ZNF516: variants seen among roughly 807,000 people sequenced by gnomAD.
The protein encoded by ZNF516 is zinc finger protein 516.
ZNF516 carries 19 observed loss-of-function variants against 79.7 expected under a neutral mutation model. That is an observed-to-expected ratio of 0.24 (90% CI 0.17 to 0.35). ZNF516 has a LOEUF of 0.35. Ranked by LOEUF, ZNF516 falls within the 10% of genes least tolerant of loss-of-function variation. ZNF516 has a pLI of 1.00. For synonymous variants in ZNF516, 877 were observed against 739.5 expected (o/e 1.19, Z -3.02); for missense variants, 1,678 against 1,679.5 (o/e 1.00, Z 0.02).
chr18:76,441,944 C>G lies in ZNF516; in HGVS notation c.1111G>C (p.Glu371Gln). The G allele has an allele frequency of 6.2e-7, 1 of 1,611,228 alleles. No homozygotes were observed. The highest frequency in any genetic ancestry group is 1.1e-5 in the South Asian group (1 of 90,926). Residue 371 changes from glutamate (E) to glutamine (Q), a missense_variant, in exon 3 of 7, where the codon GAG becomes CAG. By Grantham distance (29) the Glu-to-Gln change is conservative (BLOSUM62 2). Coordinates refer to ENST00000443185, the MANE Select transcript of ZNF516 (RefSeq NM_014643.4). ...EASRTRAPAE[E>Q]GAEGPSDTKQ... is the part of the protein sequence containing the mutation. ...GTGTCCGAGGGCCCCTCCGCCCCCT[C>G]CTCGGCCGGGGCGCGCGTGCGGCTG... is the stretch of plus-strand genomic sequence containing the variant.
intron 4 of ZNF516, among the ~76,000 whole-genome samples, chr18:76,373,848 T>C (rs2074746182): frequency 6.6e-6 from 1 of 152,272 alleles, no homozygotes; most frequent in Non-Finnish European, 1.5e-5. Context: ...AATAATATTA[T>C]GCCCAAGCTA....
intron 2 of ZNF516, among the ~76,000 whole-genome samples, chr18:76,446,899 A>G (rs1444385582): frequency 1.3e-5 from 2 of 152,190 alleles, no homozygotes; most frequent in African/African-American, 4.8e-5. Context: ...TAGAAATAGA[A>G]AAAGTGCTGA....
intron 3 of ZNF516, among the ~76,000 whole-genome samples, chr18:76,381,734 A>C (rs1322413601): frequency 6.6e-6 from 1 of 152,230 alleles, no homozygotes; most frequent in Non-Finnish European, 1.5e-5. Flanking sequence ...TTGTCCATGT[A>C]AAAAACGCCA....
intron 1 of ZNF516, chr18:76,492,642 C>A: frequency 1.1e-6 from 1 of 890,386 alleles, no homozygotes. Context: ...TCACCTGAAC[C>A]AAAAACGCAC....
At chr18:76,438,908 G>A (rs566686432) in intron 3 of ZNF516, among the ~76,000 whole-genome samples, 24 of 152,226 alleles carry the variant, frequency 1.6e-4, no homozygotes, top group Middle Eastern at 6.8e-3. Context: ...GTGATCTTTC[G>A]TTCCTCAATT....
chr18:76,364,415 C>T lies in ZNF516; in HGVS notation c.3433-1858G>A, dbSNP rs150539471. Among the ~76,000 whole-genome samples the T allele has an allele frequency of 5.6e-4, 85 of 152,300 alleles. No homozygotes were observed. The East Asian group carries it at 0.015, about 27-fold the overall frequency. The stretch of plus-strand genomic sequence containing the variant: ...TGGACACACTATAATCTTTTGAGCA[C>T]GCCCACCATCGCCTTGTCTTCCTGG... On this transcript the variant is annotated intron_variant, in intron 6 of 6. Transcript: ENST00000443185.
chr18:76,421,868 G>A (rs906664118), intron 3 of ZNF516, among the ~76,000 whole-genome samples: 5 of 152,194 alleles, frequency 3.3e-5, no homozygotes, highest in South Asian at 4.1e-4. Flanking sequence ...ATCACACAGC[G>A]GGCCGGGTCT....
At chr18:76,457,721 T>A (rs1912815078) in intron 2 of ZNF516, among the ~76,000 whole-genome samples, 1 of 151,920 alleles carries the variant, frequency 6.6e-6, no homozygotes, top group Admixed American at 6.6e-5. Flanking sequence ...TGTCTCAAAA[T>A]AAAAATAAAA....
At chr18:76,366,027 C>T (rs1599127316) in intron 6 of ZNF516, among the ~76,000 whole-genome samples, 3 of 152,288 alleles carry the variant, frequency 2.0e-5, no homozygotes, top group East Asian at 3.9e-4. Context: ...CTACAGTCTT[C>T]AAGTATGTGT....
intron 3 of ZNF516, among the ~76,000 whole-genome samples, chr18:76,433,215 C>T (rs867438953): frequency 9.9e-5 from 15 of 152,234 alleles, no homozygotes; most frequent in African/African-American, 3.1e-4. Flanking sequence ...AAAAGCACCA[C>T]TGACCGCTGA....
intron 2 of ZNF516, among the ~76,000 whole-genome samples, chr18:76,445,267 A>AC (rs908936896): frequency 6.6e-6 from 1 of 151,768 alleles, no homozygotes; most frequent in Admixed American, 6.6e-5. Context: ...CAAAAAAAAA[A>AC]AAACAACAAC....
chr18:76,486,893 G>C, intron 1 of ZNF516, among the ~76,000 whole-genome samples: 1 of 152,036 alleles, frequency 6.6e-6, no homozygotes, highest in Admixed American at 6.5e-5. Context: ...TACAGAAACA[G>C]GAATACGAAG....
intron 6 of ZNF516, 144 bp downstream of exon 6, chr18:76,370,384 G>C: frequency 2.5e-6 from 2 of 813,896 alleles, no homozygotes; most frequent in Non-Finnish European, 3.7e-6. Flanking sequence ...CGAAGGGTCA[G>C]GTTCCAAGTC....
At chr18:76,485,735 C>T (rs942781152) in intron 1 of ZNF516, among the ~76,000 whole-genome samples, 3 of 152,102 alleles carry the variant, frequency 2.0e-5, no homozygotes, top group African/African-American at 7.2e-5. Flanking sequence ...AAACCCAAAC[C>T]AGCATGTGTA....
intron 1 of ZNF516, among the ~76,000 whole-genome samples, chr18:76,485,836 G>A (rs1185547150): frequency 1.4e-5 from 2 of 148,044 alleles, no homozygotes; most frequent in Non-Finnish European, 3.0e-5. Flanking sequence ...CTATTAAATA[G>A]GATTGTCCAT....
At chr18:76,373,716 T>C (rs2074744086) in intron 4 of ZNF516, among the ~76,000 whole-genome samples, 2 of 152,012 alleles carry the variant, frequency 1.3e-5, no homozygotes, top group Admixed American at 1.3e-4. Context: ...TGAGCACGCG[T>C]GCACACACAC....
chr18:76,375,628 C>CTGGGAAGGCCCAAGA (rs1172061295), intron 4 of ZNF516, among the ~76,000 whole-genome samples: 1 of 147,034 alleles, frequency 6.8e-6, no homozygotes, highest in Non-Finnish European at 1.5e-5. Flanking sequence ...CCTGGGAGAC[C>CTGGGAAGGCCCAAGA]TGGGAAGGCC....
At chr18:76,373,976 T>C (rs1220283766) in intron 4 of ZNF516, among the ~76,000 whole-genome samples, 1 of 152,240 alleles carries the variant, frequency 6.6e-6, no homozygotes. Context: ...AAAGTGGACT[T>C]AACGGTCAAA....
rs72983969 is a variant in ZNF516, at chr18:76,491,993, A to C, written c.-272+3151T>G. 7.1e-3 allele frequency among the ~76,000 whole-genome samples: 1,082 copies of C among 152,226 alleles called. 5 individuals are homozygous for C. Among genetic ancestry groups the C allele is most frequent in the Non-Finnish European group, 0.012 (834 of 68,000 alleles). ...CCTTGTAACCGAGTTAGATTTCTGC[A>C]GAAGAGGAGGACGAAGGTCGCCCAC... On this transcript the variant is annotated intron_variant, in intron 1 of 6. Transcript: ENST00000443185.
Sources: allele counts gnomAD v4.1 joint callset (sites outside exome capture counted in the v4.1 genomes callset), GRCh38; gene constraint gnomAD v4.1.1; transcripts MANE v1.5; gene names NCBI Gene and HGNC (gene_info 2026-07-23, HGNC 2026-07-21).